Variants in SAMMSON observed in about 807,000 individuals in gnomAD.
SAMMSON encodes the protein survival associated mitochondrial melanoma specific oncogenic non-coding RNA.
In SAMMSON at chr3:70,182,300, C is replaced by T. The variant is rs370067947; in HGVS notation, n.508-66807C>T. ...AAAGCTGAAAACGTCTGGCAGAGCTCACAGACGTCGTTTTCCACTCGGCAC... is the reference window on the plus strand; with the variant it reads ...AAAGCTGAAAACGTCTGGCAGAGCTTACAGACGTCGTTTTCCACTCGGCAC... On this transcript the variant is annotated intron_variant and non_coding_transcript_variant, in intron 4 of 9. Transcript: ENST00000642114. Among the ~76,000 whole-genome samples the T allele has an allele frequency of 2.6e-5, 4 of 152,262 alleles. No homozygotes were observed. In the East Asian group the frequency reaches 7.7e-4, roughly 29 times the overall value.
chr3:70,006,512 T>C (rs1473806973), intron 1 of SAMMSON, among the ~76,000 whole-genome samples: 1 of 152,204 alleles, frequency 6.6e-6, no homozygotes, highest in Non-Finnish European at 1.5e-5. Context: ...AAGTAGGATT[T>C]GTACCCAGGT....
In SAMMSON at chr3:70,306,022, A is replaced by G. The variant is rs545176283; in HGVS notation, n.739+14779A>G. Among the ~76,000 whole-genome samples the G allele has an allele frequency of 5.3e-5, 8 of 152,296 alleles. 1 individual carries two copies. The South Asian group carries it at 1.7e-3, about 32-fold the overall frequency. On this transcript the variant is annotated intron_variant and non_coding_transcript_variant, in intron 7 of 9. Transcript: ENST00000642114. ...ACCAGTGTATTCAAGGTGCCAAAAC[A>G]CTGATGATGTAACTTTTCTATGTCA...
At chr3:70,066,770 G>A (rs1281105951) in intron 3 of SAMMSON, among the ~76,000 whole-genome samples, 1 of 152,090 alleles carries the variant, frequency 6.6e-6, no homozygotes, top group Non-Finnish European at 1.5e-5. Context: ...CTCCAACATT[G>A]AAGAAACAGC....
chr3:70,346,291 A>C (rs1354675024), intron 7 of SAMMSON, among the ~76,000 whole-genome samples: 2 of 143,726 alleles, frequency 1.4e-5, no homozygotes, highest in Non-Finnish European at 3.0e-5. Context: ...TGAAATATGT[A>C]TTCAGATCTT....
chr3:70,090,360 G>C (rs115750487), intron 4 of SAMMSON, among the ~76,000 whole-genome samples: 2 of 152,118 alleles, frequency 1.3e-5, no homozygotes, highest in Admixed American at 1.3e-4. Flanking sequence ...TCAGAGACTT[G>C]CTCTTACTGT....
intron 4 of SAMMSON, among the ~76,000 whole-genome samples, chr3:70,100,513 AGTGGGGGGG>A (rs2067339868): frequency 1.7e-4 from 4 of 23,360 alleles, no homozygotes; most frequent in Admixed American, 5.8e-4. Flanking sequence ...CACTTGAAAG[AGTGGGGGGG>A]GGGGGGGGGG....
intron 3 of SAMMSON, among the ~76,000 whole-genome samples, chr3:70,049,323 AG>A (rs936168217): frequency 1.6e-4 from 25 of 152,270 alleles, no homozygotes; most frequent in African/African-American, 6.0e-4. Flanking sequence ...TGGCCAGGAA[AG>A]GCTACCCAGA....
In SAMMSON at chr3:70,426,143, A is replaced by G. The variant is rs1011929544; in HGVS notation, n.234-36417A>G. Among the ~76,000 whole-genome samples, 34 of 152,222 alleles carry G rather than the reference A, an allele frequency of 2.2e-4. 1 individual carries two copies. Among genetic ancestry groups the G allele is most frequent in the Admixed American group, 2.6e-4 (4 of 15,286 alleles). ...GTAATATTGAGTTCTTTTATTAAAC[A>G]TAAAATGACATGACAAATAATTAGA... On this transcript the variant is annotated intron_variant and non_coding_transcript_variant, in intron 2 of 3. Coordinates refer to the SAMMSON transcript ENST00000641053.
intron 3 of SAMMSON, among the ~76,000 whole-genome samples, chr3:70,050,497 G>C (rs1226055485): frequency 1.3e-5 from 2 of 152,054 alleles, no homozygotes; most frequent in Non-Finnish European, 2.9e-5. Context: ...GAACCTATCA[G>C]AAAGAAGAGA....
At chr3:70,099,413 T>C (rs902243555) in intron 4 of SAMMSON, among the ~76,000 whole-genome samples, 3 of 152,164 alleles carry the variant, frequency 2.0e-5, no homozygotes, top group Non-Finnish European at 4.4e-5. Flanking sequence ...GGGTTTTAAA[T>C]GACACTTCAT....
At position 70,125,612 on chromosome 3, in the gene SAMMSON, C is replaced by G; in HGVS notation, n.507+54047C>G. 4.3e-6 allele frequency: 3 copies of G among 699,638 alleles called. No homozygotes were observed. In the South Asian group the frequency reaches 4.5e-5, roughly 10 times the overall value. 43.3% of individuals were successfully genotyped at this position (699,638 alleles called of 1,614,324 possible). On this transcript the variant is annotated intron_variant and non_coding_transcript_variant, in intron 4 of 9. Coordinates refer to ENST00000642114, the Ensembl canonical transcript of SAMMSON. Reference sequence around the variant, plus strand: ...TCACAATTTTGTTTCTTCTCTAAATCTTTCTTAAATGCAGCTGGCATGTCG... The same window carrying G: ...TCACAATTTTGTTTCTTCTCTAAATGTTTCTTAAATGCAGCTGGCATGTCG...
chr3:70,349,011 G>C (rs1702772867), intron 7 of SAMMSON, among the ~76,000 whole-genome samples: 1 of 152,130 alleles, frequency 6.6e-6, no homozygotes, highest in Non-Finnish European at 1.5e-5. Context: ...CTGCGGCTTG[G>C]TGTGTGATCC....
intron 6 of SAMMSON, among the ~76,000 whole-genome samples, chr3:70,262,365 A>G (rs9827974): frequency 0.99 from 150,458 of 152,298 alleles, 74,330 homozygotes; most frequent in Non-Finnish European, 1. Context: ...CATAAGTTTT[A>G]ATGAGAAAAA....
intron 4 of SAMMSON, among the ~76,000 whole-genome samples, chr3:70,073,666 T>A (rs759662425): frequency 6.6e-6 from 1 of 151,850 alleles, no homozygotes; most frequent in Non-Finnish European, 1.5e-5. Context: ...CCCTCTCTCT[T>A]TGTTCCTCTC....
At chr3:70,070,669 G>A (rs1047672325) in intron 3 of SAMMSON, among the ~76,000 whole-genome samples, 2 of 151,556 alleles carry the variant, frequency 1.3e-5, no homozygotes, top group African/African-American at 4.8e-5. Flanking sequence ...ATTACTTAAA[G>A]CTTACTTGTT....
intron 2 of SAMMSON, among the ~76,000 whole-genome samples, chr3:70,434,245 A>G (rs1701439314): frequency 6.6e-6 from 1 of 152,140 alleles, no homozygotes; most frequent in Non-Finnish European, 1.5e-5. Context: ...CAATATTGAG[A>G]CTTCTTATCC....
intron 3 of SAMMSON, among the ~76,000 whole-genome samples, chr3:70,037,282 C>T (rs1165910798): frequency 6.6e-6 from 1 of 152,018 alleles, no homozygotes; most frequent in African/African-American, 2.4e-5. Flanking sequence ...CAACAATTAG[C>T]CTGAGTGGTA....
At chr3:70,343,773 A>C (rs556716953) in intron 7 of SAMMSON, among the ~76,000 whole-genome samples, 1 of 151,944 alleles carries the variant, frequency 6.6e-6, no homozygotes, top group African/African-American at 2.4e-5. Flanking sequence ...TTGAAGGTAG[A>C]TTATCTAAAT....
intron 6 of SAMMSON, among the ~76,000 whole-genome samples, chr3:70,272,491 T>G (rs1227465549): frequency 6.6e-6 from 1 of 152,254 alleles, no homozygotes; most frequent in East Asian, 1.9e-4. Context: ...CAAAATTTGT[T>G]TATCTGTTCT....
Sources: allele counts gnomAD v4.1 joint callset (sites outside exome capture counted in the v4.1 genomes callset), GRCh38; gene constraint gnomAD v4.1.1; transcripts MANE v1.5; gene names NCBI Gene and HGNC (gene_info 2026-07-23, HGNC 2026-07-21).